TEKT2: variants seen among roughly 807,000 people sequenced by gnomAD.
TEKT2 encodes tektin 2.
A neutral mutation model predicts 49.8 loss-of-function variants in TEKT2; 45 were observed. That is an observed-to-expected ratio of 0.90 (90% CI 0.71 to 1.16). TEKT2 has a LOEUF of 1.16. TEKT2 is among the 50% of genes most tolerant of loss of function. TEKT2 has a pLI of 0.00. For missense variants in TEKT2, 523 were observed against 551.4 expected (o/e 0.95, Z 0.52); for synonymous variants, 202 against 224.6 (o/e 0.90, Z 0.90).
chr1:36,087,676 C>G lies in TEKT2; in HGVS notation c.1000-52C>G. The G allele has an allele frequency of 1.2e-6, 2 of 1,612,220 alleles. No individual in the cohort carries two copies. The highest frequency in any genetic ancestry group is 3.3e-5 in the Admixed American group (2 of 59,750). On this transcript the variant is annotated intron_variant, in intron 8 of 9. Coordinates refer to ENST00000207457, the MANE Select transcript of TEKT2 (RefSeq NM_014466.3). This position sits in a 1 kb window ranked among gnomAD's most constrained non-coding sequence, Gnocchi z 4.9. ...GGCACTGCTGTCAAGGGGCAGCACT[C>G]AGGTAAAGGACAGTGTGGCTGACTT...
At chr1:36,085,314 G>A in intron 3 of TEKT2, 26 bp downstream of exon 3, 2 of 1,613,206 alleles carry the variant, frequency 1.2e-6, no homozygotes, top group Non-Finnish European at 1.7e-6. Context: ...TGGGTGCCCG[G>A]GGGCTGCTGC....
In TEKT2 at chr1:36,088,220, G is replaced by A. The variant is rs1306380026; in HGVS notation, c.*34G>A. On this transcript the variant is annotated 3_prime_UTR_variant, in exon 10 of 10. Coordinates refer to ENST00000207457, the MANE Select transcript of TEKT2 (RefSeq NM_014466.3). ...GACTGCAGGAGGAGGGCAGGGTTGG[G>A]TGGGCAATGGAAGGAGGGAGGAGAG... 2 of 1,464,356 alleles carry A rather than the reference G, an allele frequency of 1.4e-6. No individual in the cohort carries two copies. Among genetic ancestry groups the A allele is most frequent in the Non-Finnish European group, 1.9e-6 (2 of 1,049,570 alleles). The allele number at this position is 1,464,356 out of a possible 1,614,324, so 90.7% of individuals were successfully genotyped here.
chr1:36,086,666 T>C (rs765246060), intron 4 of TEKT2, 38 bp from the exon 5 acceptor site: 2 of 1,613,780 alleles, frequency 1.2e-6, no homozygotes, highest in Non-Finnish European at 8.5e-7. Context: ...CCTCTGGCCC[T>C]TGGGGGATGG....
chr1:36,085,355 TTGAGAAGCCCTTGATGGGGGGTCATGAG>T, intron 3 of TEKT2, 67 bp downstream of exon 3: 1 of 1,608,974 alleles, frequency 6.2e-7, no homozygotes, highest in Non-Finnish European at 8.5e-7. Context: ...CACAGCTAGG[TTGAGAAGCCCTTGATGGGGGGTCATGAG>T]TGGCATGTCC....
At position 36,087,713 on chromosome 1, in the gene TEKT2, C is replaced by A. The variant is rs1230962250; in HGVS notation, c.1000-15C>A. 2.5e-6 allele frequency: 4 copies of A among 1,613,254 alleles called. No individual in the cohort carries two copies. Among genetic ancestry groups the A allele is most frequent in the Non-Finnish European group, 3.4e-6 (4 of 1,179,854 alleles). On this transcript the variant is annotated splice_polypyrimidine_tract_variant and intron_variant, in intron 8 of 9. Coordinates refer to ENST00000207457, the MANE Select transcript of TEKT2 (RefSeq NM_014466.3). The surrounding 1 kb of genome is among the most constrained non-coding windows in gnomAD (Gnocchi z 4.9). ...AGTGTGGCTGACTTGGAACTCCCAA[C>A]CCCTCTGCCTCCAGGCACAGTACGG...
chr1:36,084,876 T>C lies in TEKT2; in HGVS notation c.-46T>C. On this transcript the variant is annotated 5_prime_UTR_variant, in exon 2 of 10. Transcript: ENST00000207457. The surrounding 1 kb of genome is among the most constrained non-coding windows in gnomAD (Gnocchi z 4.1). ...CAGTGTTTTCCCTCTGCAGGTGGTG[T>C]CTGTGAACAGGCCTAGGGGTTTCTG... 6.2e-7 allele frequency: 1 copy of C among 1,612,236 alleles called. No individual in the cohort carries two copies. Among genetic ancestry groups the C allele is most frequent in the Non-Finnish European group, 8.5e-7 (1 of 1,179,984 alleles).
chr1:36,085,794 A>G, intron 3 of TEKT2, 42 bp from the exon 4 acceptor site: 1 of 1,588,910 alleles, frequency 6.3e-7, no homozygotes, highest in Non-Finnish European at 8.6e-7. Context: ...TGCTGGGATT[A>G]CAGATGTGAG....
chr1:36,086,875 TCTC>T (rs1352193185), intron 5 of TEKT2, 28 bp downstream of exon 5: 1 of 1,613,968 alleles, frequency 6.2e-7, no homozygotes, highest in East Asian at 2.2e-5. Context: ...GCCAGTCTCT[TCTC>T]CTCCCCTCCC....
At chr1:36,085,745 C>T in intron 3 of TEKT2, 91 bp from the exon 4 acceptor site, 1 of 1,340,292 alleles carries the variant, frequency 7.5e-7, no homozygotes, top group Non-Finnish European at 1.0e-6. Flanking sequence ...TTCTCGAACT[C>T]CTGACCTCAA....
Position 36,087,313 on chromosome 1 carries a change from T to G in TEKT2, c.855+2T>G. The G allele has an allele frequency of 6.2e-7, 1 of 1,614,050 alleles. No individual in the cohort carries two copies. The highest frequency in any genetic ancestry group is 2.2e-5 in the East Asian group (1 of 44,888). On this transcript the variant is annotated splice_donor_variant, in intron 7 of 9. Transcript: ENST00000207457. LOFTEE classifies it high-confidence loss of function. The surrounding 1 kb of genome is among the most constrained non-coding windows in gnomAD (Gnocchi z 4.9). Reference sequence around the variant, plus strand: ...GAGCTCAAGTGGCAAGAGAAGAATGTGAGCATCTCCAGGGGCCTGGACTTC... The same window carrying G: ...GAGCTCAAGTGGCAAGAGAAGAATGGGAGCATCTCCAGGGGCCTGGACTTC...
rs1471994990 is a variant in TEKT2 at position 36,086,986 on chromosome 1, GAGGCTGAGATGA to G, written c.693_704del (p.Glu232_Ala235del). 6.2e-7 allele frequency: 1 copy of G among 1,613,878 alleles called. No individual in the cohort carries two copies. The highest frequency in any genetic ancestry group is 2.2e-5 in the East Asian group (1 of 44,894). Reference sequence around the variant, plus strand: ...CAGTCGGTTCAACAAGGACCGAGCGGAGGCTGAGATGAAGGCAGCCACAGAGCTGAGGGAGGC... The same window carrying G: ...CAGTCGGTTCAACAAGGACCGAGCGGAGGCAGCCACAGAGCTGAGGGAGGC... On this transcript the variant is annotated inframe_deletion, in exon 6 of 10. Transcript: ENST00000207457.
chr1:36,088,013 C>T lies in TEKT2; in HGVS notation c.1120C>T (p.Gln374Ter). ...DALCKHLARL[Q>*]ADIACKANSM... ...CCTGTGCAAGCACCTGGCCCGGCTG[C>T]AGGCTGACATTGCCTGCAAGGCCAA... The change falls in exon 10 of 10, where the codon CAG (glutamine) becomes TAG (stop). Residue 374 changes from glutamine to a stop codon, truncating the protein, a stop_gained. Coordinates refer to ENST00000207457, the MANE Select transcript of TEKT2 (RefSeq NM_014466.3). LOFTEE classifies it high-confidence loss of function. 1 of 1,612,240 alleles carries T rather than the reference C, an allele frequency of 6.2e-7. No homozygotes were observed. Among genetic ancestry groups the T allele is most frequent in the Non-Finnish European group, 8.5e-7 (1 of 1,179,660 alleles).
Position 36,086,059 on chromosome 1 carries a change from C to A in TEKT2, c.488+18C>A. 6.4e-7 allele frequency: 1 copy of A among 1,559,590 alleles called. No individual in the cohort carries two copies. The highest frequency in any genetic ancestry group is 1.2e-5 in the South Asian group (1 of 84,804). On this transcript the variant is annotated intron_variant, in intron 4 of 9. Coordinates refer to ENST00000207457, the MANE Select transcript of TEKT2 (RefSeq NM_014466.3). ...CAGCTCTGGTAAGGGAGAGGCAGGT[C>A]GTCCGCATGTTCATGGGCCCCTGGA...
At position 36,085,330 on chromosome 1, in the gene TEKT2, C is replaced by T. The variant is rs752438840; in HGVS notation, c.282+42C>T. 5.0e-6 allele frequency: 8 copies of T among 1,612,330 alleles called. No individual in the cohort carries two copies. In the African/African-American group the frequency reaches 1.1e-4, roughly 22 times the overall value. On this transcript the variant is annotated intron_variant, in intron 3 of 9. Coordinates refer to ENST00000207457, the MANE Select transcript of TEKT2 (RefSeq NM_014466.3). ...GGGTGCCCGGGGGCTGCTGCCGAAACCTCCCCTCCTTCCCCACAGCTAGGT... is the reference window on the plus strand; with the variant it reads ...GGGTGCCCGGGGGCTGCTGCCGAAATCTCCCCTCCTTCCCCACAGCTAGGT...
Position 36,087,669 on chromosome 1 carries a change from C to CA in TEKT2, c.1000-58dup. The CA allele has an allele frequency of 1.2e-6, 2 of 1,612,168 alleles. No homozygotes were observed. The highest frequency in any genetic ancestry group is 1.7e-6 in the Non-Finnish European group (2 of 1,179,218). ...GAGCAAGGGCACTGCTGTCAAGGGG[C>CA]AGCACTCAGGTAAAGGACAGTGTGG... On this transcript the variant is annotated intron_variant, in intron 8 of 9. Coordinates refer to ENST00000207457, the MANE Select transcript of TEKT2 (RefSeq NM_014466.3). This position sits in a 1 kb window ranked among gnomAD's most constrained non-coding sequence, Gnocchi z 4.9.
At chr1:36,086,372 G>A (rs565019095) in intron 4 of TEKT2, among the ~76,000 whole-genome samples, 5 of 152,232 alleles carry the variant, frequency 3.3e-5, no homozygotes, top group African/African-American at 4.8e-5. Context: ...CGTGTGCCCC[G>A]CAGGTGTATA....
At position 36,087,232 on chromosome 1, in the gene TEKT2, T is replaced by C. The variant is rs762452176; in HGVS notation, c.776T>C (p.Val259Ala). ...ETNNELEAQR[V>A]ATEFAFRKRL... Reference sequence around the variant, plus strand: ...AACAACGAGCTTGAAGCCCAGAGAGTTGCAACGGAATTTGCCTTCAGGAAG... The same window carrying C: ...AACAACGAGCTTGAAGCCCAGAGAGCTGCAACGGAATTTGCCTTCAGGAAG... Residue 259 changes from valine (V) to alanine (A), a missense_variant, in exon 7 of 10, where the codon GTT (valine) becomes GCT (alanine). Val to Ala is a moderately conservative substitution (Grantham distance 64, BLOSUM62 0). Coordinates refer to ENST00000207457, the MANE Select transcript of TEKT2 (RefSeq NM_014466.3). The surrounding 1 kb of genome is among the most constrained non-coding windows in gnomAD (Gnocchi z 4.9). The C allele has an allele frequency of 2.3e-5, 37 of 1,613,880 alleles. No homozygotes were observed. The highest frequency in any genetic ancestry group is 8.3e-5 in the Admixed American group (5 of 59,992).
In TEKT2 at chr1:36,087,911, T is replaced by C; in HGVS notation, c.1080-62T>C. The C allele has an allele frequency of 6.3e-7, 1 of 1,591,068 alleles. No individual in the cohort carries two copies. Among genetic ancestry groups the C allele is most frequent in the Non-Finnish European group, 8.6e-7 (1 of 1,168,304 alleles). ...GGGCTGTCTTCCTGACTGAAGGCTA[T>C]GCACGCAGCCCAGGCCTCCCAGCCT... is the stretch of plus-strand genomic sequence containing the variant. On this transcript the variant is annotated intron_variant, in intron 9 of 9. Transcript: ENST00000207457. This position sits in a 1 kb window ranked among gnomAD's most constrained non-coding sequence, Gnocchi z 4.9.
chr1:36,085,265 GC>G lies in TEKT2; in HGVS notation c.261del (p.Glu88ArgfsTer5). 1 of 1,614,084 alleles carries G rather than the reference GC, an allele frequency of 6.2e-7. No individual in the cohort carries two copies. The highest frequency in any genetic ancestry group is 8.5e-7 in the Non-Finnish European group (1 of 1,180,040). On this transcript the variant is annotated frameshift_variant, in exon 3 of 10. Coordinates refer to ENST00000207457, the MANE Select transcript of TEKT2 (RefSeq NM_014466.3). LOFTEE classifies it high-confidence loss of function. ...GGACAAGTGTCTGACAGATTTAGATGCCGAGATCGATGCCCTGACACAGGCA... is the reference window on the plus strand; with the variant it reads ...GGACAAGTGTCTGACAGATTTAGATGCGAGATCGATGCCCTGACACAGGCA... The part of the protein sequence containing the change: ...MLDKCLTDLD[A>X]EIDALTQMKE...
Sources: allele counts gnomAD v4.1 joint callset (sites outside exome capture counted in the v4.1 genomes callset), GRCh38; gene constraint gnomAD v4.1.1; non-coding constraint Gnocchi (gnomAD v3.1); transcripts MANE v1.5; gene names NCBI Gene and HGNC (gene_info 2026-07-23, HGNC 2026-07-21).